The following CAAP1 variants were observed in gnomAD, a reference collection of about 807,000 sequenced individuals.
CAAP1 encodes the protein conserved anti-apoptotic protein.
In CAAP1, 20 loss-of-function variants were observed where a neutral mutation model predicts 34.0. The observed-to-expected ratio is 0.59, with a 90% CI of 0.41 to 0.86. The LOEUF is 0.86. Among genes scored for constraint, CAAP1 ranks in the 40% least tolerant of loss-of-function variants. CAAP1 has a pLI of 0.00. For synonymous variants in CAAP1, 213 were observed against 166.7 expected, an observed-to-expected ratio of 1.28 and a Z score of -2.14; for missense variants, 538 against 450.5, an observed-to-expected ratio of 1.19 and a Z score of -1.76.
intron 4 of CAAP1, among the ~76,000 whole-genome samples, chr9:26,875,844 T>C (rs555114024): frequency 4.1e-4 from 62 of 152,214 alleles, no homozygotes; most frequent in African/African-American, 1.5e-3. Flanking sequence ...CTTTGGAATG[T>C]TGGAAACAAT....
intron 4 of CAAP1, among the ~76,000 whole-genome samples, chr9:26,871,846 G>A (rs956813439): frequency 3.5e-5 from 5 of 142,650 alleles, no homozygotes; most frequent in Middle Eastern, 4.3e-3. Context: ...CTTGGGAGGC[G>A]GAGGTTGCAG....
At chr9:26,884,921 T>C (rs779488679) in intron 3 of CAAP1, 36 bp from the exon 4 acceptor site, 12 of 1,380,464 alleles carry the variant, frequency 8.7e-6, no homozygotes, top group Non-Finnish European at 1.1e-5. Flanking sequence ...AGCACACTTA[T>C]AAAAACATTA....
intron 4 of CAAP1, among the ~76,000 whole-genome samples, chr9:26,869,719 G>C (rs1241874088): frequency 6.6e-6 from 1 of 152,088 alleles, no homozygotes; most frequent in Non-Finnish European, 1.5e-5. Context: ...AGTAACTCTT[G>C]GTAAGCCAAC....
intron 5 of CAAP1, among the ~76,000 whole-genome samples, chr9:26,848,438 C>A (rs544038615): frequency 6.6e-6 from 1 of 152,320 alleles, no homozygotes; most frequent in Non-Finnish European, 1.5e-5. Flanking sequence ...ATGGCGTGAA[C>A]CCGGGAGGCG....
At chr9:26,864,208 T>G (rs1823073597) in intron 4 of CAAP1, among the ~76,000 whole-genome samples, 1 of 152,198 alleles carries the variant, frequency 6.6e-6, no homozygotes, top group African/African-American at 2.4e-5. Context: ...TCCAACTTAC[T>G]TTATTTTACC....
At chr9:26,883,426 T>C (rs1823650245) in intron 4 of CAAP1, among the ~76,000 whole-genome samples, 1 of 152,216 alleles carries the variant, frequency 6.6e-6, no homozygotes, top group Non-Finnish European at 1.5e-5. Context: ...TGTGGAATTA[T>C]GAATCCATTA....
chr9:26,864,727 T>C (rs1823090357), intron 4 of CAAP1, among the ~76,000 whole-genome samples: 1 of 152,234 alleles, frequency 6.6e-6, no homozygotes, highest in Non-Finnish European at 1.5e-5. Context: ...TCTATCCCCA[T>C]ATTACTGTTT....
intron 4 of CAAP1, among the ~76,000 whole-genome samples, chr9:26,873,476 G>A (rs1823329311): frequency 6.6e-6 from 1 of 152,160 alleles, no homozygotes; most frequent in South Asian, 2.1e-4. Flanking sequence ...TTTCCCTACA[G>A]TATACTTTTA....
At chr9:26,871,270 G>A (rs539859000) in intron 4 of CAAP1, among the ~76,000 whole-genome samples, 1 of 152,244 alleles carries the variant, frequency 6.6e-6, no homozygotes, top group African/African-American at 2.4e-5. Context: ...GGACATGGAT[G>A]TTTTTCCCTT....
At chr9:26,855,442 T>C (rs1045298563) in intron 5 of CAAP1, among the ~76,000 whole-genome samples, 10 of 152,182 alleles carry the variant, frequency 6.6e-5, no homozygotes, top group Non-Finnish European at 1.3e-4. Flanking sequence ...ACCCACAGAA[T>C]GTACAACACA....
intron 5 of CAAP1, among the ~76,000 whole-genome samples, chr9:26,846,627 GTTCA>G (rs2060747826): frequency 6.6e-6 from 1 of 151,324 alleles, no homozygotes; most frequent in South Asian, 2.1e-4. Context: ...GCTTTTTACA[GTTCA>G]TTCTTGTAAA....
chr9:26,855,647 A>G (rs1822853801), intron 5 of CAAP1, among the ~76,000 whole-genome samples: 1 of 152,240 alleles, frequency 6.6e-6, no homozygotes, highest in Non-Finnish European at 1.5e-5. Flanking sequence ...TGTATCAACT[A>G]TACGATGTAG....
chr9:26,891,205 A>C (rs949406597), intron 1 of CAAP1, among the ~76,000 whole-genome samples: 1 of 152,238 alleles, frequency 6.6e-6, no homozygotes, highest in African/African-American at 2.4e-5. Context: ...TGAGCAGAGG[A>C]TATGTACAGA....
chr9:26,892,118 A>T, intron 1 of CAAP1: 1 of 632,008 alleles, frequency 1.6e-6, no homozygotes, highest in Non-Finnish European at 2.5e-6. Context: ...GCTAGCTTCC[A>T]ACTCGTATTC....
chr9:26,860,237 T>G (rs148327382), intron 5 of CAAP1, among the ~76,000 whole-genome samples: 21 of 152,262 alleles, frequency 1.4e-4, no homozygotes, highest in African/African-American at 5.1e-4. Context: ...TAAAAAGAAG[T>G]AAAAAAGGCA....
intron 4 of CAAP1, among the ~76,000 whole-genome samples, chr9:26,881,765 G>C (rs1823598300): frequency 6.6e-6 from 1 of 152,210 alleles, no homozygotes; most frequent in Non-Finnish European, 1.5e-5. Context: ...TGGATAACAG[G>C]CAGAGGTTAG....
intron 2 of CAAP1, 71 bp from the exon 3 acceptor site, chr9:26,886,259 T>A (rs1175953443): frequency 1.4e-6 from 1 of 718,330 alleles, no homozygotes; most frequent in East Asian, 3.2e-5. Context: ...AAAATTTCAA[T>A]CATAAAAATT....
chr9:26,892,676 G>A lies in CAAP1; in HGVS notation c.40C>T (p.Arg14Cys), dbSNP rs765330830. The change falls in exon 1 of 6, where the codon CGT (arginine) becomes TGT (cysteine). Residue 14 changes from arginine to cysteine, a missense_variant. Physicochemically the swap from Arg to Cys is radical, Grantham distance 180. Around this residue, in one of 3 missense-constraint regions of CAAP1, gnomAD observed 514 missense variants for 408.4 expected, o/e 1.26. Coordinates refer to ENST00000333916, the MANE Select transcript of CAAP1 (RefSeq NM_024828.4). ...GCTGCGGCCGCCTCCTGACTGCTAC[G>A]TTTGCGCCGTTTCTCCCGGGAGGAC... is the stretch of plus-strand genomic sequence containing the variant. ...KKSSREKRRK[R>C]SSQEAAAALA... 8 of 1,605,054 alleles carry A rather than the reference G, an allele frequency of 5.0e-6. No individual in the cohort carries two copies. The highest frequency in any genetic ancestry group is 1.7e-4 in the Middle Eastern group (1 of 6,050).
In CAAP1 at chr9:26,887,519, G is replaced by C; in HGVS notation, c.304-6C>G. On this transcript the variant is annotated splice_region_variant and splice_polypyrimidine_tract_variant and intron_variant, in intron 1 of 5. Coordinates refer to ENST00000333916, the MANE Select transcript of CAAP1 (RefSeq NM_024828.4). ...GGCAAAATATATTTAGTTTCCTAAA[G>C]TTAAAAGAATAAAGAACCATTAAAC... 1 of 1,548,100 alleles carries C rather than the reference G, an allele frequency of 6.5e-7. No individual in the cohort carries two copies. The highest frequency in any genetic ancestry group is 8.8e-7 in the Non-Finnish European group (1 of 1,137,080).
Sources: allele counts gnomAD v4.1 joint callset (sites outside exome capture counted in the v4.1 genomes callset), GRCh38; gene constraint gnomAD v4.1.1; regional missense constraint gnomAD v4.1.1; transcripts MANE v1.5; gene names NCBI Gene and HGNC (gene_info 2026-07-23, HGNC 2026-07-21).